METTL8: variants seen among roughly 807,000 people sequenced by gnomAD.
METTL8 encodes tRNA N(3)-cytidine methyltransferase METTL8, mitochondrial.
In METTL8, 32 loss-of-function variants were observed where a neutral mutation model predicts 48.7. The observed-to-expected ratio is 0.66, with a 90% CI of 0.50 to 0.88. The LOEUF is 0.88. Among genes scored for constraint, METTL8 ranks in the 40% least tolerant of loss-of-function variants. METTL8 has a pLI of 0.00. For missense variants in METTL8, 464 were observed against 474.4 expected (o/e 0.98, Z 0.20); for synonymous variants, 136 against 157.1 (o/e 0.87, Z 1.01).
At chr2:171,356,011 C>A (rs1278190872) in intron 3 of METTL8, among the ~76,000 whole-genome samples, 1 of 152,190 alleles carries the variant, frequency 6.6e-6, no homozygotes, top group Non-Finnish European at 1.5e-5. Flanking sequence ...GTGAGATGAA[C>A]CCAGTACCTC....
chr2:171,397,247 T>C (rs1379921519), intron 1 of METTL8, among the ~76,000 whole-genome samples: 1 of 148,792 alleles, frequency 6.7e-6, no homozygotes. Context: ...GGCATGGTAG[T>C]TCACGTCTGT....
intron 2 of METTL8, among the ~76,000 whole-genome samples, chr2:171,384,792 A>G (rs1687889722): frequency 6.6e-6 from 1 of 152,174 alleles, no homozygotes; most frequent in African/African-American, 2.4e-5. Flanking sequence ...TGATCATGCC[A>G]CTGCACTCCA....
Position 171,324,347 on chromosome 2 carries a change from A to G in METTL8, c.1049T>C (p.Met350Thr). 6.4e-7 allele frequency: 1 copy of G among 1,551,590 alleles called. No individual in the cohort carries two copies. Among genetic ancestry groups the G allele is most frequent in the Non-Finnish European group, 8.7e-7 (1 of 1,147,004 alleles). Residue 350 changes from methionine (M) to threonine (T), a missense_variant, in exon 10 of 10, where the codon ATG becomes ACG. Coordinates refer to ENST00000375258, the MANE Select transcript of METTL8 (RefSeq NM_001321154.2). ...TTCATCTAAACTGGCTTTGCAGAAC[A>G]TACTGTGGACTTCCCCTGTGAGACA... is the stretch of plus-strand genomic sequence containing the variant. Reference protein sequence around the residue: ...YFFTKGEVHSMFCKASLDEKQ... With the variant: ...YFFTKGEVHSTFCKASLDEKQ...
At chr2:171,421,136 G>GA (rs1217538166) in intron 1 of METTL8, among the ~76,000 whole-genome samples, 3 of 152,200 alleles carry the variant, frequency 2.0e-5, no homozygotes, top group South Asian at 2.1e-4. Context: ...TATCTACACA[G>GA]AAAAAATCCC....
rs137956301 is a variant in METTL8, at chr2:171,345,869, C to T, written c.236-6315G>A. On this transcript the variant is annotated intron_variant, in intron 3 of 9. Coordinates refer to ENST00000375258, the MANE Select transcript of METTL8 (RefSeq NM_001321154.2). ...TATAATTATGTTAACTCAAAAATTG[C>T]CAAATGTATCTTTCATTTCTCTGAA... 5.8e-3 allele frequency among the ~76,000 whole-genome samples: 885 copies of T among 152,058 alleles called. 6 individuals are homozygous for T. The highest frequency in any genetic ancestry group is 0.02 in the African/African-American group (826 of 41,460).
chr2:171,361,801 A>C, intron 2 of METTL8, among the ~76,000 whole-genome samples: 1 of 152,154 alleles, frequency 6.6e-6, no homozygotes, highest in East Asian at 1.9e-4. Flanking sequence ...AGAGAGATTT[A>C]AGATGTAATG....
At chr2:171,410,967 GA>G (rs2105621974) in intron 1 of METTL8, among the ~76,000 whole-genome samples, 1 of 152,224 alleles carries the variant, frequency 6.6e-6, no homozygotes, top group Non-Finnish European at 1.5e-5. Context: ...AAGTTATCTG[GA>G]AATATGAGCT....
At chr2:171,409,378 GA>G (rs199933993) in intron 1 of METTL8, among the ~76,000 whole-genome samples, 2 of 150,270 alleles carry the variant, frequency 1.3e-5, no homozygotes, top group Non-Finnish European at 3.0e-5. Context: ...AACTAAAACA[GA>G]AAAAAAAATC....
chr2:171,325,129 A>G lies in METTL8; in HGVS notation c.1033+712T>C, dbSNP rs1051128958. On this transcript the variant is annotated intron_variant, in intron 9 of 9. Coordinates refer to ENST00000375258, the MANE Select transcript of METTL8 (RefSeq NM_001321154.2). ...AGAGTGAGACTCTGTCTCAAAAAAA[A>G]AAAAAAAAAAAAGAGAAATCAGCTA... is the stretch of plus-strand genomic sequence containing the variant. Among the ~76,000 whole-genome samples the G allele has an allele frequency of 3.5e-4, 53 of 151,512 alleles. 1 individual carries two copies. The highest frequency in any genetic ancestry group is 1.6e-3 in the Admixed American group (25 of 15,208).
rs1370846648 is a variant in METTL8, at chr2:171,317,996, T to C, written c.*6176A>G. On this transcript the variant is annotated 3_prime_UTR_variant, in exon 10 of 10. Transcript: ENST00000375258. Reference sequence around the variant, plus strand: ...TGTAGGCACTCACACGCAGAACTATTATTACTTGCTTGTTACTGCATGTTG... The same window carrying C: ...TGTAGGCACTCACACGCAGAACTATCATTACTTGCTTGTTACTGCATGTTG... 6.6e-6 allele frequency: 1 copy of C among 152,218 alleles called. No homozygotes were observed. The allele number at this position is 152,218 out of a possible 1,614,324, so 9.4% of individuals were successfully genotyped here. A position where few individuals can be genotyped will look rare whatever the true frequency, so the allele number is the denominator to read the frequency against.
intron 2 of METTL8, 83 bp downstream of exon 2, chr2:171,391,960 C>G (rs1688617336): frequency 2.9e-6 from 4 of 1,394,248 alleles, no homozygotes; most frequent in East Asian, 2.5e-5. Context: ...CTTTAAAAAC[C>G]CTTTCTTAAT....
At chr2:171,425,675 A>G (rs1692334940) in intron 1 of METTL8, among the ~76,000 whole-genome samples, 1 of 152,182 alleles carries the variant, frequency 6.6e-6, no homozygotes, top group African/African-American at 2.4e-5. Context: ...GCCTGGTGAG[A>G]TCCTGAGCAG....
chr2:171,377,152 G>A (rs1035677648), intron 2 of METTL8, among the ~76,000 whole-genome samples: 1 of 152,024 alleles, frequency 6.6e-6, no homozygotes, highest in African/African-American at 2.4e-5. Context: ...CATAACAGAA[G>A]AATGAAACTG....
chr2:171,339,534 T>C lies in METTL8; in HGVS notation c.256A>G (p.Ser86Gly). ...EEQVKYEREA[S>G]KYWDTFYKIH... ...TTGTAAAATGTGTCCCAGTATTTAC[T>C]AGCTTCTCTCTCATACTTAACTAAA... is the stretch of plus-strand genomic sequence containing the variant. The change falls in exon 4 of 10, where the codon AGT (serine) becomes GGT (glycine). Residue 86 changes from serine to glycine, a missense_variant. By Grantham distance (56) the Ser-to-Gly change is moderately conservative (BLOSUM62 0). Coordinates refer to ENST00000375258, the MANE Select transcript of METTL8 (RefSeq NM_001321154.2). 2.8e-5 allele frequency: 44 copies of C among 1,560,346 alleles called. No individual in the cohort carries two copies. Among genetic ancestry groups the C allele is most frequent in the East Asian group, 4.5e-5 (2 of 44,510 alleles).
At chr2:171,374,600 T>C (rs778542418) in intron 2 of METTL8, among the ~76,000 whole-genome samples, 12 of 152,122 alleles carry the variant, frequency 7.9e-5, no homozygotes, top group Non-Finnish European at 1.6e-4. Context: ...AAAATGAACA[T>C]GTCCATTCCC....
chr2:171,403,242 A>C (rs73022909), intron 1 of METTL8, among the ~76,000 whole-genome samples: 6,861 of 152,218 alleles, frequency 0.045, 508 homozygotes, highest in African/African-American at 0.15. Flanking sequence ...CAGGTGATCA[A>C]GGTTAACACG....
intron 3 of METTL8, among the ~76,000 whole-genome samples, chr2:171,356,040 C>A (rs1224835832): frequency 1.3e-5 from 2 of 152,250 alleles, no homozygotes; most frequent in African/African-American, 4.8e-5. Context: ...ATGCAGAAAT[C>A]ACCCGTCTTC....
rs72880564 is a variant in METTL8 at position 171,352,075 on chromosome 2, G to A, written c.235+8347C>T. On this transcript the variant is annotated intron_variant, in intron 3 of 9. Coordinates refer to ENST00000375258, the MANE Select transcript of METTL8 (RefSeq NM_001321154.2). The stretch of plus-strand genomic sequence containing the variant: ...GAATGCTTCCAGTTTCTGCCCGTAC[G>A]TATGATATTGACTGTGAGTTTGTCA... 3.3e-3 allele frequency among the ~76,000 whole-genome samples: 502 copies of A among 152,222 alleles called. 4 individuals are homozygous for A. Among genetic ancestry groups the A allele is most frequent in the Non-Finnish European group, 5.7e-3 (389 of 68,024 alleles).
At chr2:171,434,187 C>T (rs1693561594), upstream of METTL8, 1 of 387,254 alleles carries the variant, frequency 2.6e-6, no homozygotes, top group African/African-American at 2.1e-5. Context: ...CCGGGCAAGC[C>T]CTCGCTCCCC....
Sources: allele counts gnomAD v4.1 joint callset (sites outside exome capture counted in the v4.1 genomes callset), GRCh38; gene constraint gnomAD v4.1.1; transcripts MANE v1.5; gene names NCBI Gene and HGNC (gene_info 2026-07-23, HGNC 2026-07-21).